The following ZP3 variants were observed in gnomAD, a reference collection of about 807,000 sequenced individuals.
ZP3 encodes the protein zona pellucida sperm-binding protein 3.
In ZP3, 21 loss-of-function variants were observed where a neutral mutation model predicts 35.6. The ratio of observed to expected loss-of-function variants is 0.59; its 90% CI spans 0.42 to 0.85. ZP3 has a LOEUF of 0.85. Ranked by LOEUF, ZP3 falls within the 40% of genes least tolerant of loss-of-function variation. ZP3 has a pLI of 0.00. For missense variants in ZP3, 437 were observed against 536.5 expected (o/e 0.81, Z 1.83); for synonymous variants, 207 against 214.5 (o/e 0.96, Z 0.31).
At chr7:76,417,239 A>G (rs147156565) in intron 1 of ZP3, among the ~76,000 whole-genome samples, 5 of 151,816 alleles carry the variant, frequency 3.3e-5, no homozygotes, top group African/African-American at 1.2e-4. Context: ...TTGTATTTTC[A>G]GTAAAGACAG....
intron 1 of ZP3, among the ~76,000 whole-genome samples, chr7:76,413,696 T>G (rs1274383755): frequency 6.6e-6 from 1 of 152,212 alleles, no homozygotes; most frequent in African/African-American, 2.4e-5. Flanking sequence ...TGAGACAAGT[T>G]CTCCCTGTTG....
intron 1 of ZP3, among the ~76,000 whole-genome samples, chr7:76,427,274 T>A (rs889072820): frequency 1.3e-5 from 2 of 152,122 alleles, no homozygotes; most frequent in Non-Finnish European, 2.9e-5. Context: ...CCCAGCACTT[T>A]GGGAGGCCGA....
chr7:76,436,625 T>C (rs530310274), intron 5 of ZP3, among the ~76,000 whole-genome samples: 2 of 152,304 alleles, frequency 1.3e-5, no homozygotes, highest in East Asian at 1.9e-4. Flanking sequence ...CATCTAATAT[T>C]GATGAGATGG....
chr7:76,401,447 A>G (rs1399253549), intron 1 of ZP3, among the ~76,000 whole-genome samples: 2 of 151,518 alleles, frequency 1.3e-5, no homozygotes, highest in Non-Finnish European at 2.9e-5. Flanking sequence ...ACAAAGTCTC[A>G]CTCTTGTCAC....
intron 7 of ZP3, among the ~76,000 whole-genome samples, chr7:76,441,264 A>G (rs1202381253): frequency 6.6e-6 from 1 of 151,168 alleles, no homozygotes; most frequent in Non-Finnish European, 1.5e-5. Flanking sequence ...CTTGAGCCCC[A>G]TGAGTTCTCG....
chr7:76,441,873 A>G lies in ZP3; in HGVS notation c.1092A>G (p.Pro364=). The G allele has an allele frequency of 3.7e-6, 6 of 1,612,824 alleles. No individual in the cohort carries two copies. The highest frequency in any genetic ancestry group is 5.1e-6 in the Non-Finnish European group (6 of 1,179,280). Residue 364 remains proline (P), a synonymous_variant, in exon 8 of 8, where the codon CCA becomes CCG. Transcript: ENST00000394857. ...VTEEADVTVG[P]LIFLDRRGDH... Reference sequence around the variant, plus strand: ...AAGAAGCAGATGTCACCGTGGGGCCACTGATCTTCCTGGACAGGAGGGGTG... The same window carrying G: ...AAGAAGCAGATGTCACCGTGGGGCCGCTGATCTTCCTGGACAGGAGGGGTG...
intron 1 of ZP3, chr7:76,400,586 T>A (rs1397274850): frequency 6.8e-7 from 1 of 1,470,826 alleles, no homozygotes. Flanking sequence ...CCCACCAGCC[T>A]CAGCTCTGTG....
intron 1 of ZP3, 108 bp from the exon 2 acceptor site, chr7:76,429,407 T>G: frequency 9.8e-7 from 1 of 1,022,586 alleles, no homozygotes; most frequent in Non-Finnish European, 1.5e-6. Flanking sequence ...CTTGACCCTG[T>G]GGTCTTTCTG....
At chr7:76,404,592 G>A in intron 1 of ZP3, 1 of 1,099,480 alleles carries the variant, frequency 9.1e-7, no homozygotes, top group Non-Finnish European at 1.3e-6. Flanking sequence ...AGGGGTTTGA[G>A]ATCAGCCTGG....
chr7:76,425,309 G>A (rs899664549), intron 1 of ZP3, 33 bp downstream of exon 1: 2 of 1,571,558 alleles, frequency 1.3e-6, no homozygotes, highest in African/African-American at 2.7e-5. Context: ...GCTTTGGTGG[G>A]AGGATGTTCG....
At chr7:76,412,088 T>G (rs1034498582) in intron 1 of ZP3, among the ~76,000 whole-genome samples, 1 of 150,590 alleles carries the variant, frequency 6.6e-6, no homozygotes, top group Non-Finnish European at 1.5e-5. Context: ...CACGAGAGGC[T>G]GAGGTGGGAG....
At chr7:76,435,247 G>C (rs1383615495) in intron 5 of ZP3, among the ~76,000 whole-genome samples, 1 of 152,288 alleles carries the variant, frequency 6.6e-6, no homozygotes, top group African/African-American at 2.4e-5. Flanking sequence ...CAGGTTCCCA[G>C]GTGCAAGTGA....
chr7:76,416,945 C>CATATATATATATATAT (rs35169816), intron 1 of ZP3, among the ~76,000 whole-genome samples: 10 of 73,250 alleles, frequency 1.4e-4, no homozygotes, highest in Non-Finnish European at 2.8e-4. Context: ...TGTATACATA[C>CATATATATATATATAT]ATATATATAT....
At chr7:76,400,870 G>A in intron 1 of ZP3, 1 of 1,251,176 alleles carries the variant, frequency 8.0e-7, no homozygotes, top group Non-Finnish European at 1.1e-6. Context: ...GGAAAATGGG[G>A]AGACTACAGC....
At chr7:76,430,808 C>T (rs1246767253) in intron 2 of ZP3, among the ~76,000 whole-genome samples, 1 of 152,098 alleles carries the variant, frequency 6.6e-6, no homozygotes, top group Non-Finnish European at 1.5e-5. Context: ...GAGCCATGCC[C>T]CTGGGAGGGG....
At chr7:76,399,937 G>T (rs1431790832) in intron 1 of ZP3, among the ~76,000 whole-genome samples, 1 of 152,118 alleles carries the variant, frequency 6.6e-6, no homozygotes, top group Non-Finnish European at 1.5e-5. Context: ...GCTGCAGTGG[G>T]CTATGATCAC....
chr7:76,399,772 C>T (rs1247316887), intron 1 of ZP3, among the ~76,000 whole-genome samples: 1 of 152,142 alleles, frequency 6.6e-6, no homozygotes, highest in East Asian at 1.9e-4. Flanking sequence ...AATCTTGCCA[C>T]CTTGGCCTCC....
chr7:76,441,319 T>C (rs1463878480), intron 7 of ZP3, among the ~76,000 whole-genome samples: 1 of 149,300 alleles, frequency 6.7e-6, no homozygotes, highest in African/African-American at 2.5e-5. Context: ...ACAAAAAAGA[T>C]GATGTACTAG....
upstream of ZP3, among the ~76,000 whole-genome samples, chr7:76,422,997 A>G (rs1283188806): frequency 3.4e-4 from 37 of 108,734 alleles, no homozygotes; most frequent in African/African-American, 1.3e-3. Context: ...ATCCTGTCTC[A>G]AAAGAAAGAA....
Sources: gnomAD v4.1 joint callset for allele counts (sites outside exome capture counted in the v4.1 genomes callset) on GRCh38, gnomAD v4.1.1 for gene constraint, MANE v1.5 for transcripts, NCBI Gene and HGNC (gene_info 2026-07-23, HGNC 2026-07-21) for gene names.